SEMA3A: variants seen among roughly 807,000 people sequenced by gnomAD.
SEMA3A encodes the protein semaphorin-3A.
In SEMA3A, 29 loss-of-function variants were observed where a neutral mutation model predicts 97.9. The observed-to-expected ratio is 0.30, with a 90% confidence interval of 0.22 to 0.40. The LOEUF (loss-of-function observed/expected upper bound fraction) is 0.40. Ranked by LOEUF, SEMA3A falls within the 10% of genes least tolerant of loss-of-function variation. SEMA3A has a pLI of 1.00. For synonymous variants in SEMA3A, 321 were observed against 323.7 expected (o/e 0.99, Z 0.09); for missense variants, 763 against 951.3 (o/e 0.80, Z 2.60).
At chr7:84,373,196 C>T (rs565628844) in intron 1 of SEMA3A, among the ~76,000 whole-genome samples, 4 of 152,258 alleles carry the variant, frequency 2.6e-5, no homozygotes, top group African/African-American at 9.6e-5. Context: ...TGAGCTCACA[C>T]ATCGGATAAC....
At chr7:84,086,583 A>G (rs868368719) in intron 4 of SEMA3A, among the ~76,000 whole-genome samples, 6 of 48,638 alleles carry the variant, frequency 1.2e-4, no homozygotes, top group Non-Finnish European at 2.8e-4. Context: ...TACATATAAT[A>G]TATTATTATA....
chr7:84,363,143 C>T (rs1407093530), intron 2 of SEMA3A, among the ~76,000 whole-genome samples: 1 of 151,872 alleles, frequency 6.6e-6, no homozygotes, highest in Non-Finnish European at 1.5e-5. Flanking sequence ...AGCAAAATCA[C>T]ATCATCTGAC....
chr7:84,212,726 T>G (rs1798661137), intron 3 of SEMA3A, among the ~76,000 whole-genome samples: 1 of 152,176 alleles, frequency 6.6e-6, no homozygotes, highest in Admixed American at 6.5e-5. Context: ...AATGAAACAA[T>G]GTGGTGTGGA....
chr7:84,183,979 A>G (rs1232601416), intron 1 of SEMA3A, among the ~76,000 whole-genome samples: 4 of 152,238 alleles, frequency 2.6e-5, no homozygotes, highest in Non-Finnish European at 5.9e-5. Context: ...TCTGCTTAAA[A>G]TAGACTAAAC....
intron 3 of SEMA3A, among the ~76,000 whole-genome samples, chr7:84,279,406 A>G (rs1459855129): frequency 6.6e-6 from 1 of 152,068 alleles, no homozygotes; most frequent in African/African-American, 2.4e-5. Flanking sequence ...AAATACTGGA[A>G]AATTCCACAT....
chr7:84,405,205 C>T (rs939075811), intron 1 of SEMA3A, among the ~76,000 whole-genome samples: 2 of 151,990 alleles, frequency 1.3e-5, no homozygotes, highest in African/African-American at 4.8e-5. Context: ...GGAAGATCTA[C>T]CAAGGAAATG....
Position 84,467,183 on chromosome 7 carries a change from A to G in SEMA3A, c.-246+25277T>C, listed in dbSNP as rs531419572. ...GTGGAAACTGAGGTTAAGATGAATT[A>G]AATATATTTTCCTAAGTTGTAGACT... On this transcript the variant is annotated intron_variant, in intron 1 of 3. Coordinates refer to the SEMA3A transcript ENST00000424555. Among the ~76,000 whole-genome samples the G allele has an allele frequency of 9.9e-5, 15 of 152,254 alleles. No homozygotes were observed. In the South Asian group the frequency reaches 3.1e-3, roughly 32 times the overall value.
intron 6 of SEMA3A, among the ~76,000 whole-genome samples, chr7:84,040,216 C>T (rs1419574533): frequency 7.1e-6 from 1 of 141,354 alleles, no homozygotes; most frequent in Non-Finnish European, 1.5e-5. Context: ...TAGGGTATAA[C>T]AAGTGGCTTT....
At chr7:84,440,180 T>C (rs1159332665) in intron 1 of SEMA3A, among the ~76,000 whole-genome samples, 1 of 152,218 alleles carries the variant, frequency 6.6e-6, no homozygotes, top group African/African-American at 2.4e-5. Context: ...GCATAATCTG[T>C]CAGATGTAAC....
At chr7:84,198,240 G>T (rs909218879), upstream of SEMA3A, among the ~76,000 whole-genome samples, 2 of 151,466 alleles carry the variant, frequency 1.3e-5, no homozygotes, top group Admixed American at 6.6e-5. Flanking sequence ...TTGTTGCCCA[G>T]GCTGGAGTGC....
chr7:84,035,947 G>A (rs574136875), intron 6 of SEMA3A, among the ~76,000 whole-genome samples: 8 of 151,952 alleles, frequency 5.3e-5, no homozygotes, highest in East Asian at 1.9e-4. Flanking sequence ...ACTGATTCCC[G>A]TCCTTTTCTT....
At chr7:84,338,755 C>T (rs1802094448) in intron 2 of SEMA3A, among the ~76,000 whole-genome samples, 1 of 152,066 alleles carries the variant, frequency 6.6e-6, no homozygotes, top group Non-Finnish European at 1.5e-5. Flanking sequence ...ATTGTTCATT[C>T]AACTGAAAAA....
upstream of SEMA3A, among the ~76,000 whole-genome samples, chr7:84,199,260 C>T (rs1392518554): frequency 2.0e-5 from 3 of 152,078 alleles, no homozygotes; most frequent in African/African-American, 7.2e-5. Flanking sequence ...CAAAATGTAC[C>T]TGAAGTTAGG....
chr7:84,143,943 T>A (rs1478106141), intron 1 of SEMA3A, among the ~76,000 whole-genome samples: 14 of 126,910 alleles, frequency 1.1e-4, no homozygotes, highest in South Asian at 2.6e-4. Flanking sequence ...TCTCTCTCTC[T>A]CTCTCTAACA....
intron 3 of SEMA3A, among the ~76,000 whole-genome samples, chr7:84,227,612 A>G (rs1799019243): frequency 6.6e-6 from 1 of 152,080 alleles, no homozygotes; most frequent in African/African-American, 2.4e-5. Context: ...CCCAATAATT[A>G]TGAGTAGGCA....
chr7:84,182,791 AT>A (rs1340404450), intron 1 of SEMA3A, among the ~76,000 whole-genome samples: 2 of 152,126 alleles, frequency 1.3e-5, no homozygotes, highest in Non-Finnish European at 2.9e-5. Flanking sequence ...CATTTTTTTC[AT>A]CAGTTGTTTA....
intron 11 of SEMA3A, among the ~76,000 whole-genome samples, chr7:84,003,842 G>C (rs1790554756): frequency 9.5e-6 from 1 of 104,772 alleles, no homozygotes. Flanking sequence ...ACCAGAAATT[G>C]ATACTTGCAA....
chr7:84,249,568 T>C (rs1215231115), intron 3 of SEMA3A, among the ~76,000 whole-genome samples: 1 of 151,924 alleles, frequency 6.6e-6, no homozygotes, highest in African/African-American at 2.4e-5. Flanking sequence ...ATATATCAAC[T>C]ATTGTTTATA....
chr7:84,046,371 T>C lies in SEMA3A; in HGVS notation c.620A>G (p.His207Arg). The C allele has an allele frequency of 6.2e-7, 1 of 1,613,276 alleles. No homozygotes were observed. The highest frequency in any genetic ancestry group is 8.5e-7 in the Non-Finnish European group (1 of 1,179,444). The change falls in exon 6 of 17, where the codon CAC (histidine) becomes CGC (arginine). Residue 207 changes from histidine (H) to arginine (R), a missense_variant. His to Arg is a conservative substitution (Grantham distance 29). This residue lies in a region of SEMA3A where 678 missense variants were observed against 881.3 expected (regional missense o/e 0.77). Coordinates refer to ENST00000265362, the MANE Select transcript of SEMA3A (RefSeq NM_006080.3). ...RDFAIFRTLG[H>R]HHPIRTEQHD... ...CTGCTCTGTCCTGATTGGGTGGTGG[T>C]GCCCAAGAGTTCGGAAGATAGCAAA...
Sources: allele counts gnomAD v4.1 joint callset (sites outside exome capture counted in the v4.1 genomes callset), GRCh38; gene constraint gnomAD v4.1.1; regional missense constraint gnomAD v4.1.1; transcripts MANE v1.5; gene names NCBI Gene and HGNC (gene_info 2026-07-23, HGNC 2026-07-21).